The following PRKCA variants were observed in gnomAD, a reference collection of about 807,000 sequenced individuals.
PRKCA encodes protein kinase C alpha type.
Under a neutral mutation model 87.0 loss-of-function variants are expected in PRKCA, and 27 were observed. The observed-to-expected ratio is 0.31, with a 90% CI of 0.23 to 0.43. The LOEUF (loss-of-function observed/expected upper bound fraction) is 0.43. Among genes scored for constraint, PRKCA ranks in the 20% least tolerant of loss-of-function variants. The pLI is 1.00. For missense variants in PRKCA, 518 were observed against 852.3 expected, an observed-to-expected ratio of 0.61 and a Z score of 4.88; for synonymous variants, 329 against 311.1, an observed-to-expected ratio of 1.06 and a Z score of -0.61.
chr17:66,637,579 T>A (rs928702360), intron 3 of PRKCA, among the ~76,000 whole-genome samples: 1 of 152,174 alleles, frequency 6.6e-6, no homozygotes, highest in Non-Finnish European at 1.5e-5. Flanking sequence ...GATGTTGATG[T>A]CTCACACCCT....
intron 2 of PRKCA, among the ~76,000 whole-genome samples, chr17:66,455,425 G>A (rs998982864): frequency 2.6e-5 from 4 of 152,158 alleles, no homozygotes; most frequent in African/African-American, 7.2e-5. Context: ...AAGGTCCCCC[G>A]AAGCACTTTG....
At chr17:66,711,586 C>T (rs1343703082) in intron 8 of PRKCA, among the ~76,000 whole-genome samples, 3 of 152,230 alleles carry the variant, frequency 2.0e-5, no homozygotes, top group African/African-American at 7.2e-5. Context: ...TAGGGCCACA[C>T]ACCAGCTGTG....
At position 66,309,454 on chromosome 17, in the gene PRKCA, C is replaced by A. The variant is rs528259508; in HGVS notation, c.205+3327C>A. On this transcript the variant is annotated intron_variant, in intron 2 of 16. Transcript: ENST00000413366. ...CCTTCATGGACTCTGTGCCATTCTT[C>A]TTTATATTGCAATATAGGTATACAA... Among the ~76,000 whole-genome samples the A allele has an allele frequency of 3.3e-5, 5 of 152,234 alleles. No homozygotes were observed. In the South Asian group the frequency reaches 1.0e-3, roughly 32 times the overall value.
intron 2 of PRKCA, among the ~76,000 whole-genome samples, chr17:66,489,448 C>A (rs906956136): frequency 2.2e-4 from 32 of 145,420 alleles, no homozygotes; most frequent in Admixed American, 2.2e-3. Flanking sequence ...TAGGGATGAA[C>A]CCATTTTGCA....
intron 16 of PRKCA, among the ~76,000 whole-genome samples, chr17:66,802,433 G>A (rs1349844126): frequency 3.3e-5 from 5 of 151,718 alleles, no homozygotes; most frequent in Non-Finnish European, 7.4e-5. Flanking sequence ...GCTGAGGCAG[G>A]AGAATCACTT....
chr17:66,735,920 C>CTT (rs5821508), intron 10 of PRKCA, among the ~76,000 whole-genome samples: 18,878 of 121,918 alleles, frequency 0.15, 1,890 homozygotes, highest in South Asian at 0.23. Context: ...TTCTTTCTTT[C>CTT]TTTTTTTTTT....
chr17:66,476,903 A>G (rs3848421), intron 2 of PRKCA, among the ~76,000 whole-genome samples: 65,071 of 152,028 alleles, frequency 0.43, 14,445 homozygotes, highest in African/African-American at 0.54. Context: ...TGTGTCTCAG[A>G]GCTAGGCTGA....
rs548799606 is a variant in PRKCA, at chr17:66,467,770, C to A, written c.206-28431C>A. Among the ~76,000 whole-genome samples, 5 of 152,098 alleles carry A rather than the reference C, an allele frequency of 3.3e-5. No homozygotes were observed. The South Asian group carries it at 1.0e-3, about 32-fold the overall frequency. ...ATGGGGTCTCACTATGTTGCTCAGG[C>A]TTGTCTTGAACTTCTGGGCTCAAGC... On this transcript the variant is annotated intron_variant, in intron 2 of 16. Transcript: ENST00000413366.
intron 2 of PRKCA, 125 bp from the exon 3 acceptor site, chr17:66,496,076 G>C: frequency 1.4e-6 from 1 of 725,992 alleles, no homozygotes; most frequent in Non-Finnish European, 2.3e-6. Flanking sequence ...TCTGATTGCT[G>C]TTTATAAGAT....
chr17:66,713,683 C>CTCG (rs1322035428), intron 8 of PRKCA, among the ~76,000 whole-genome samples: 2 of 152,184 alleles, frequency 1.3e-5, no homozygotes, highest in African/African-American at 4.8e-5. Flanking sequence ...TAATAGCGTG[C>CTCG]CACCGCTCGC....
chr17:66,449,628 C>T (rs1914210268), intron 2 of PRKCA, among the ~76,000 whole-genome samples: 1 of 152,152 alleles, frequency 6.6e-6, no homozygotes, highest in African/African-American at 2.4e-5. Context: ...AGAAAAGGCC[C>T]CTGTGTCTGA....
chr17:66,321,557 T>A (rs1000084049), intron 2 of PRKCA, among the ~76,000 whole-genome samples: 7 of 152,036 alleles, frequency 4.6e-5, no homozygotes, highest in African/African-American at 1.5e-4. Context: ...TTTTTAAAAA[T>A]TTTTTTTAGA....
intron 3 of PRKCA, among the ~76,000 whole-genome samples, chr17:66,613,597 G>C (rs1221639971): frequency 1.3e-5 from 2 of 152,026 alleles, no homozygotes; most frequent in Non-Finnish European, 2.9e-5. Context: ...GCCTCTTCCT[G>C]GCTTCTGGGG....
chr17:66,540,535 G>T (rs1237469036), intron 3 of PRKCA, among the ~76,000 whole-genome samples: 1 of 152,180 alleles, frequency 6.6e-6, no homozygotes, highest in African/African-American at 2.4e-5. Flanking sequence ...CCGTGCGGGG[G>T]CTGCAGTTAG....
intron 3 of PRKCA, among the ~76,000 whole-genome samples, chr17:66,636,875 C>T (rs1971163263): frequency 2.0e-5 from 3 of 152,154 alleles, no homozygotes; most frequent in Admixed American, 1.3e-4. Context: ...GTGCTCTTCT[C>T]ATAGGAGACT....
At chr17:66,663,294 C>T (rs566465795) in intron 5 of PRKCA, among the ~76,000 whole-genome samples, 10 of 152,258 alleles carry the variant, frequency 6.6e-5, no homozygotes, top group East Asian at 1.9e-4. Context: ...CTACTTCAGG[C>T]GAGGGGTTGG....
intron 3 of PRKCA, among the ~76,000 whole-genome samples, chr17:66,573,252 A>C (rs769893707): frequency 2.0e-5 from 3 of 152,082 alleles, no homozygotes; most frequent in Non-Finnish European, 2.9e-5. Flanking sequence ...CTAAGCCCAC[A>C]CTCCTGAAAT....
intron 8 of PRKCA, among the ~76,000 whole-genome samples, chr17:66,701,876 G>T (rs1044870712): frequency 2.0e-5 from 3 of 152,066 alleles, no homozygotes; most frequent in African/African-American, 7.2e-5. Flanking sequence ...ATGTAAATTG[G>T]CATATCAGTT....
At chr17:66,332,290 C>T (rs994061246) in intron 2 of PRKCA, among the ~76,000 whole-genome samples, 12 of 146,384 alleles carry the variant, frequency 8.2e-5, no homozygotes, top group East Asian at 2.0e-4. Context: ...TGCAGTGGCA[C>T]GATCTCAGCT....
Sources: allele counts gnomAD v4.1 joint callset (sites outside exome capture counted in the v4.1 genomes callset), GRCh38; gene constraint gnomAD v4.1.1; transcripts MANE v1.5; gene names NCBI Gene and HGNC (gene_info 2026-07-23, HGNC 2026-07-21).